The following CCDC88C variants were observed in gnomAD, a reference collection of about 807,000 sequenced individuals.
The protein encoded by CCDC88C is coiled-coil and HOOK domain protein 88C, also known as protein Daple.
In CCDC88C, 131 loss-of-function variants were observed where a neutral mutation model predicts 198.8. That is an observed-to-expected ratio of 0.66 (90% CI 0.57 to 0.76). The LOEUF (loss-of-function observed/expected upper bound fraction) is 0.76, where lower values mean the gene tolerates loss of function less well. CCDC88C is among the 30% of genes least tolerant of loss of function. The pLI is 0.00. For missense variants in CCDC88C, 2,553 were observed against 2,631.6 expected (o/e 0.97, Z 0.65); for synonymous variants, 1,166 against 1,114.7 (o/e 1.05, Z -0.92).
At chr14:91,294,054 C>T (rs2139758251) in intron 23 of CCDC88C, 119 bp downstream of exon 23, 3 of 1,119,634 alleles carry the variant, frequency 2.7e-6, no homozygotes, top group Non-Finnish European at 4.0e-6. Flanking sequence ...TGTGCCCTGC[C>T]CTCAGGATCC....
chr14:91,360,974 C>T (rs1363154947), intron 3 of CCDC88C, among the ~76,000 whole-genome samples: 4 of 151,980 alleles, frequency 2.6e-5, no homozygotes, highest in Non-Finnish European at 4.4e-5. Context: ...AGAAAAAACT[C>T]GGATCTACAA....
At position 91,278,113 on chromosome 14, in the gene CCDC88C, G is replaced by C. The variant is rs761701580; in HGVS notation, c.4867C>G (p.Pro1623Ala). 50 of 1,613,162 alleles carry C rather than the reference G, an allele frequency of 3.1e-5. No individual in the cohort carries two copies. The highest frequency in any genetic ancestry group is 1.8e-5 in the Non-Finnish European group (21 of 1,179,722). Residue 1623 changes from proline (P) to alanine (A), a missense_variant, in exon 29 of 30, where the codon CCG (proline) becomes GCG (alanine). By Grantham distance (27) the Pro-to-Ala change is conservative (BLOSUM62 -1). Coordinates refer to ENST00000389857, the MANE Select transcript of CCDC88C (RefSeq NM_001080414.4). ...LATLPREASTPGRNALGRHEY... is the reference protein window; with the variant it reads ...LATLPREASTAGRNALGRHEY... ...TGGCGGCCGAGGGCGTTGCGTCCCG[G>C]TGTGCTGGCTTCCCGGGGCAAAGTG...
Position 91,272,947 on chromosome 14 carries a change from C to T in CCDC88C, c.5765G>A (p.Ser1922Asn), listed in dbSNP as rs997075496. Residue 1922 changes from serine (S) to asparagine (N), a missense_variant, in exon 30 of 30, where the codon AGC becomes AAC. Ser to Asn is a conservative substitution (Grantham distance 46). Transcript: ENST00000389857. ...TGAGAAGTGCAGGAGCTGGGAGTTG[C>T]TGCCACTGCCAGCAGCAGCAGCACC... Reference protein sequence around the residue: ...GAGAAAAGSGSNSQLLHFSPA... With the variant: ...GAGAAAAGSGNNSQLLHFSPA... The T allele has an allele frequency of 3.8e-5, 59 of 1,560,770 alleles. No individual in the cohort carries two copies. Among genetic ancestry groups the T allele is most frequent in the Non-Finnish European group, 4.6e-5 (53 of 1,158,300 alleles).
In CCDC88C at chr14:91,324,864, C is replaced by A; in HGVS notation, c.1257G>T (p.Glu419Asp). The A allele has an allele frequency of 6.2e-7, 1 of 1,613,890 alleles. No homozygotes were observed. The change falls in exon 12 of 30, where the codon GAG (glutamate) becomes GAT (aspartate). Residue 419 changes from glutamate (E) to aspartate (D), a missense_variant. Transcript: ENST00000389857. ...EELLEENMVL[E>D]IAQKQSMNES... is the part of the protein sequence containing the mutation. ...CGTTCATGCTCTGCTTCTGTGCAAT[C>A]TCAAGGACCATGTTTTCTTCCAGCA...
intron 29 of CCDC88C, among the ~76,000 whole-genome samples, chr14:91,277,227 C>A (rs561407596): frequency 6.6e-6 from 1 of 152,168 alleles, no homozygotes; most frequent in Non-Finnish European, 1.5e-5. Context: ...GGTGGCCAGG[C>A]TGGTCTCAAA....
intron 22 of CCDC88C, among the ~76,000 whole-genome samples, chr14:91,295,876 G>A (rs1890980289): frequency 6.6e-6 from 1 of 152,146 alleles, no homozygotes; most frequent in Admixed American, 6.5e-5. Flanking sequence ...CTGCCATGAG[G>A]GTGGGCTCTG....
At chr14:91,342,779 A>G (rs989075439) in intron 5 of CCDC88C, among the ~76,000 whole-genome samples, 1 of 152,228 alleles carries the variant, frequency 6.6e-6, no homozygotes, top group Non-Finnish European at 1.5e-5. Context: ...TCTTAAGTAC[A>G]GAAAGACGGG....
At chr14:91,351,480 T>C (rs890942820) in intron 4 of CCDC88C, among the ~76,000 whole-genome samples, 1 of 152,152 alleles carries the variant, frequency 6.6e-6, no homozygotes, top group Non-Finnish European at 1.5e-5. Flanking sequence ...TGCCGAGGAA[T>C]ACTCAAGGTG....
At position 91,313,381 on chromosome 14, in the gene CCDC88C, T is replaced by C. The variant is rs765078254; in HGVS notation, c.2435A>G (p.Gln812Arg). 4.3e-6 allele frequency: 7 copies of C among 1,609,764 alleles called. No homozygotes were observed. The highest frequency in any genetic ancestry group is 5.1e-6 in the Non-Finnish European group (6 of 1,179,776). The change falls in exon 15 of 30, where the codon CAG (glutamine) becomes CGG (arginine). Residue 812 changes from glutamine to arginine, a missense_variant. This residue lies in a region of CCDC88C where 1,260 missense variants were observed against 1,412.0 expected (regional missense o/e 0.89). Transcript: ENST00000389857. The surrounding 1 kb of genome is among the most constrained non-coding windows in gnomAD (Gnocchi z 5.2). ...CCTGTCCTTCTCGGCCCCCTCCAAC[T>C]GTGCATTGGCCAGCCGGAGGGCCTC... is the stretch of plus-strand genomic sequence containing the variant. ...DLEALRLANAQLEGAEKDRKA... is the reference protein window; with the variant it reads ...DLEALRLANARLEGAEKDRKA...
At chr14:91,310,912 A>G (rs1891791891) in intron 15 of CCDC88C, among the ~76,000 whole-genome samples, 1 of 152,150 alleles carries the variant, frequency 6.6e-6, no homozygotes, top group African/African-American at 2.4e-5. Flanking sequence ...GATGCTCATT[A>G]CCTGCTCCCC....
chr14:91,348,057 G>A (rs567909359), intron 4 of CCDC88C, among the ~76,000 whole-genome samples: 1 of 152,268 alleles, frequency 6.6e-6, no homozygotes, highest in African/African-American at 2.4e-5. Context: ...CCAGGCTAGA[G>A]TGCAGTGGTG....
At chr14:91,400,306 G>A (rs929450343) in intron 3 of CCDC88C, among the ~76,000 whole-genome samples, 13 of 152,268 alleles carry the variant, frequency 8.5e-5, no homozygotes, top group African/African-American at 3.1e-4. Flanking sequence ...GCTCTAGCTA[G>A]GGAATGGGGA....
At position 91,272,605 on chromosome 14, in the gene CCDC88C, C is replaced by T. The variant is rs200163595; in HGVS notation, c.*20G>A. ...GGCGCGTCAGTAGTTTTCAGGTTTGCGAGCTCAACCACGAGACAGTCACAC... is the reference window on the plus strand; with the variant it reads ...GGCGCGTCAGTAGTTTTCAGGTTTGTGAGCTCAACCACGAGACAGTCACAC... On this transcript the variant is annotated 3_prime_UTR_variant, in exon 30 of 30. Coordinates refer to ENST00000389857, the MANE Select transcript of CCDC88C (RefSeq NM_001080414.4). 7 of 1,586,932 alleles carry T rather than the reference C, an allele frequency of 4.4e-6. No individual in the cohort carries two copies. The highest frequency in any genetic ancestry group is 5.1e-6 in the Non-Finnish European group (6 of 1,167,852).
At chr14:91,324,198 A>G (rs1347959510) in intron 12 of CCDC88C, among the ~76,000 whole-genome samples, 1 of 151,766 alleles carries the variant, frequency 6.6e-6, no homozygotes, top group Non-Finnish European at 1.5e-5. Context: ...CATGACCGAC[A>G]CCTCCTCTCG....
intron 13 of CCDC88C, among the ~76,000 whole-genome samples, chr14:91,319,249 T>C (rs545049338): frequency 1.2e-4 from 18 of 152,344 alleles, no homozygotes; most frequent in East Asian, 1.2e-3. Context: ...TAGTCTCTCA[T>C]TGGCCCCTTC....
At chr14:91,390,964 T>C (rs10132329) in intron 3 of CCDC88C, among the ~76,000 whole-genome samples, 5,705 of 152,294 alleles carry the variant, frequency 0.037, 232 homozygotes, top group African/African-American at 0.094. Context: ...TCTGAACTTC[T>C]GTCTCCTCAT....
chr14:91,370,714 T>G (rs567560927), intron 3 of CCDC88C, among the ~76,000 whole-genome samples: 73 of 151,724 alleles, frequency 4.8e-4, no homozygotes, highest in African/African-American at 1.7e-3. Context: ...CAACCACAGG[T>G]GCGGATGGTG....
rs761288523 is a variant in CCDC88C, at chr14:91,273,431, C to T, written c.5281G>A (p.Glu1761Lys). ...CTCGGGGCCACGCTGGGTGGGGCCT[C>T]GGCCTCAGTCAGTCTGAAGTTTGGC... ...VKPNFRLTEA[E>K]APPSVAPRQA... The change falls in exon 30 of 30, where the codon GAG becomes AAG. Residue 1761 changes from glutamate (E) to lysine (K), a missense_variant. Glu to Lys is a moderately conservative substitution (Grantham distance 56). Transcript: ENST00000389857. This position sits in a 1 kb window ranked among gnomAD's most constrained non-coding sequence, Gnocchi z 5.6. The T allele has an allele frequency of 2.5e-5, 39 of 1,576,596 alleles. No homozygotes were observed. The highest frequency in any genetic ancestry group is 4.1e-5 in the African/African-American group (3 of 73,598).
chr14:91,302,250 T>C (rs906817082), intron 20 of CCDC88C, among the ~76,000 whole-genome samples: 8 of 152,198 alleles, frequency 5.3e-5, no homozygotes, highest in African/African-American at 1.9e-4. Context: ...AACGATCACT[T>C]AGCCATGTTG....
Sources: allele counts gnomAD v4.1 joint callset (sites outside exome capture counted in the v4.1 genomes callset), GRCh38; gene constraint gnomAD v4.1.1; regional missense constraint gnomAD v4.1.1; non-coding constraint Gnocchi (gnomAD v3.1); transcripts MANE v1.5; gene names NCBI Gene and HGNC (gene_info 2026-07-23, HGNC 2026-07-21).